The following PRKG1 variants were observed in gnomAD, a reference collection of about 807,000 sequenced individuals.
PRKG1 encodes the protein cGMP-dependent protein kinase 1.
In PRKG1, 35 loss-of-function variants were observed where a neutral mutation model predicts 88.1. That is an observed-to-expected ratio of 0.40 (90% confidence interval 0.30 to 0.53). The LOEUF is 0.53. Ranked by LOEUF, PRKG1 falls within the 20% of genes least tolerant of loss-of-function variation. The pLI is 0.59. For synonymous variants in PRKG1, 303 were observed against 292.5 expected (o/e 1.04, Z -0.37); for missense variants, 540 against 839.8 (o/e 0.64, Z 4.41).
At chr10:51,635,570 GA>G (rs1839637637) in intron 3 of PRKG1, among the ~76,000 whole-genome samples, 1 of 152,084 alleles carries the variant, frequency 6.6e-6, no homozygotes, top group African/African-American at 2.4e-5. Context: ...GTGTTGATTA[GA>G]AAAATCAACC....
chr10:51,442,636 A>G (rs997516097), intron 2 of PRKG1, among the ~76,000 whole-genome samples: 48 of 152,156 alleles, frequency 3.2e-4, no homozygotes, highest in African/African-American at 1.1e-3. Flanking sequence ...GTGGATTAAA[A>G]TAAATGAGGC....
At chr10:52,291,533 A>G (rs1842245944) in intron 17 of PRKG1, among the ~76,000 whole-genome samples, 1 of 151,224 alleles carries the variant, frequency 6.6e-6, no homozygotes, top group Admixed American at 6.6e-5. Flanking sequence ...GCGATAGTTT[A>G]CTGAGAAATG....
Position 51,858,160 on chromosome 10 carries a change from A to G in PRKG1, c.699-49347A>G, listed in dbSNP as rs1840738946. Among the ~76,000 whole-genome samples the G allele has an allele frequency of 1.1e-4, 2 of 18,836 alleles. 1 individual carries two copies. Among genetic ancestry groups the G allele is most frequent in the South Asian group, 4.5e-3 (2 of 444 alleles). 12.4% of individuals were successfully genotyped at this position (18,836 alleles called of 152,430 possible). On this transcript the variant is annotated intron_variant, in intron 4 of 17. Coordinates refer to ENST00000373980, the MANE Select transcript of PRKG1 (RefSeq NM_006258.4). ...TACATATTATACATATATATAATAT[A>G]TATTATATATATACATATTATACAT... is the stretch of plus-strand genomic sequence containing the variant.
At chr10:51,294,537 G>A (rs923717958) in intron 2 of PRKG1, among the ~76,000 whole-genome samples, 1 of 152,038 alleles carries the variant, frequency 6.6e-6, no homozygotes, top group Non-Finnish European at 1.5e-5. Flanking sequence ...GGGTGGATTC[G>A]TTAGGTTGGT....
chr10:51,165,691 A>T (rs537789172), intron 2 of PRKG1, among the ~76,000 whole-genome samples: 1 of 152,266 alleles, frequency 6.6e-6, no homozygotes, highest in African/African-American at 2.4e-5. Flanking sequence ...AAATAAAAGG[A>T]TGGAGGAAGA....
intron 3 of PRKG1, among the ~76,000 whole-genome samples, chr10:51,531,637 CTTTTTTTTTTTTTT>C (rs34091409): frequency 3.4e-4 from 23 of 67,852 alleles, no homozygotes; most frequent in Non-Finnish European, 5.3e-4. Context: ...AAAAAGAATT[CTTTTTTTTTTTTTT>C]TTTTTTTTTT....
intron 2 of PRKG1, among the ~76,000 whole-genome samples, chr10:51,374,082 C>CAAAAAAAA (rs769407143): frequency 1.0e-5 from 1 of 95,584 alleles, no homozygotes; most frequent in African/African-American, 3.8e-5. Context: ...GCAGAGGTTG[C>CAAAAAAAA]AAAAAAAAAA....
intron 7 of PRKG1, chr10:52,081,609 T>A (rs557180827): frequency 2.2e-4 from 99 of 456,650 alleles, no homozygotes; most frequent in Non-Finnish European, 3.9e-4. Flanking sequence ...ATTTGGGAAA[T>A]ACTGATGGAG....
At chr10:52,001,461 G>A (rs928371170) in intron 5 of PRKG1, among the ~76,000 whole-genome samples, 4 of 151,494 alleles carry the variant, frequency 2.6e-5, no homozygotes, top group Admixed American at 6.6e-5. Context: ...ACATCACATT[G>A]TATATCCTAA....
At chr10:51,132,143 A>G (rs879542267) in intron 1 of PRKG1, among the ~76,000 whole-genome samples, 1 of 152,184 alleles carries the variant, frequency 6.6e-6, no homozygotes, top group Admixed American at 6.5e-5. Context: ...TTTCTTGCAT[A>G]GAGAGATATC....
chr10:52,257,209 AG>A (rs1336030174), intron 10 of PRKG1, among the ~76,000 whole-genome samples: 5 of 139,588 alleles, frequency 3.6e-5, no homozygotes, highest in Non-Finnish European at 8.1e-5. Flanking sequence ...TGCTAAGACA[AG>A]GAGGTGTATT....
chr10:51,318,457 AC>A (rs1447070054), intron 2 of PRKG1, among the ~76,000 whole-genome samples: 1 of 152,204 alleles, frequency 6.6e-6, no homozygotes, highest in Non-Finnish European at 1.5e-5. Flanking sequence ...ATTATATGAC[AC>A]ATTTTTCAAT....
At chr10:51,561,362 A>G (rs10998136) in intron 3 of PRKG1, among the ~76,000 whole-genome samples, 22,593 of 151,850 alleles carry the variant, frequency 0.15, 1,868 homozygotes, top group African/African-American at 0.22. Context: ...AGAAAAACAG[A>G]TTTTCAACAG....
At chr10:51,458,219 C>A (rs1054437838) in intron 2 of PRKG1, among the ~76,000 whole-genome samples, 27 of 152,058 alleles carry the variant, frequency 1.8e-4, no homozygotes, top group Non-Finnish European at 4.4e-5. Context: ...ATGTATTATA[C>A]CACTGGGTGA....
intron 3 of PRKG1, among the ~76,000 whole-genome samples, chr10:51,702,191 A>G (rs1390611962): frequency 6.6e-6 from 1 of 152,194 alleles, no homozygotes; most frequent in Non-Finnish European, 1.5e-5. Flanking sequence ...TATGGGACAA[A>G]CAAGAAGGGG....
intron 3 of PRKG1, among the ~76,000 whole-genome samples, chr10:51,745,000 T>C (rs1837540795): frequency 1.3e-5 from 2 of 152,224 alleles, no homozygotes; most frequent in Non-Finnish European, 2.9e-5. Flanking sequence ...AGACTTTTAT[T>C]AGTCCATCTT....
chr10:51,239,468 G>A (rs775509210), intron 2 of PRKG1, among the ~76,000 whole-genome samples: 32 of 152,170 alleles, frequency 2.1e-4, no homozygotes, highest in Non-Finnish European at 4.4e-4. Flanking sequence ...AACACAGTTA[G>A]CCAAATGGCT....
At chr10:51,169,177 C>T (rs1846629546) in intron 2 of PRKG1, among the ~76,000 whole-genome samples, 1 of 152,120 alleles carries the variant, frequency 6.6e-6, no homozygotes, top group South Asian at 2.1e-4. Context: ...AACATTTCAT[C>T]TTTTGAAGTC....
intron 14 of PRKG1, among the ~76,000 whole-genome samples, chr10:52,287,105 C>T (rs1842133233): frequency 6.6e-6 from 1 of 151,518 alleles, no homozygotes; most frequent in African/African-American, 2.4e-5. Flanking sequence ...AATATAAAAG[C>T]AAAATAAATA....
Sources: gnomAD v4.1 joint callset for allele counts (sites outside exome capture counted in the v4.1 genomes callset) on GRCh38, gnomAD v4.1.1 for gene constraint, MANE v1.5 for transcripts, NCBI Gene and HGNC (gene_info 2026-07-23, HGNC 2026-07-21) for gene names.